SLC12A8: variants seen among roughly 807,000 people sequenced by gnomAD.
The protein encoded by SLC12A8 is solute carrier family 12 member 8.
A neutral mutation model predicts 75.6 loss-of-function variants in SLC12A8; 69 were observed. That is an observed-to-expected ratio of 0.91 (90% CI 0.75 to 1.11). The LOEUF is 1.11. Ranked by LOEUF, SLC12A8 falls within the 50% of genes most tolerant of loss-of-function variation. The pLI is 0.00. For missense variants in SLC12A8, 877 were observed against 896.7 expected, an observed-to-expected ratio of 0.98 and a Z score of 0.28; for synonymous variants, 365 against 372.8, an observed-to-expected ratio of 0.98 and a Z score of 0.24.
At chr3:125,149,059 C>T (rs893422081) in intron 5 of SLC12A8, among the ~76,000 whole-genome samples, 13 of 152,224 alleles carry the variant, frequency 8.5e-5, no homozygotes, top group Non-Finnish European at 1.6e-4. Context: ...CTGAGGCGGG[C>T]GAGGCTCAGA....
intron 6 of SLC12A8, chr3:125,123,527 C>T (rs1433007523): frequency 1.3e-5 from 2 of 152,170 alleles, no homozygotes; most frequent in Non-Finnish European, 2.9e-5. Flanking sequence ...TTAATTGACT[C>T]ACAGTTCCAC....
chr3:125,118,946 G>A (rs2107749660), intron 7 of SLC12A8, 90 bp from the exon 8 acceptor site: 1 of 868,624 alleles, frequency 1.2e-6, no homozygotes, highest in East Asian at 2.6e-5. Flanking sequence ...GTTTCCAAAG[G>A]GAACTTGTAT....
intron 8 of SLC12A8, among the ~76,000 whole-genome samples, chr3:125,117,907 T>C (rs1335663123): frequency 6.6e-6 from 1 of 152,198 alleles, no homozygotes; most frequent in Non-Finnish European, 1.5e-5. Context: ...GAAACAAAGA[T>C]GTTGCAGCCA....
chr3:125,085,049 T>G (rs1393471285), intron 13 of SLC12A8, among the ~76,000 whole-genome samples: 1 of 152,242 alleles, frequency 6.6e-6, no homozygotes, highest in African/African-American at 2.4e-5. Flanking sequence ...CCAAATGTCC[T>G]GCTATAGAAG....
intron 13 of SLC12A8, among the ~76,000 whole-genome samples, chr3:125,085,941 A>G (rs1332868164): frequency 2.7e-5 from 4 of 146,382 alleles, no homozygotes; most frequent in African/African-American, 5.1e-5. Context: ...GTCTCACTCT[A>G]TTGCTCAGAC....
At chr3:125,119,870 T>A (rs1034921749) in intron 7 of SLC12A8, 36 of 456,594 alleles carry the variant, frequency 7.9e-5, no homozygotes, top group Admixed American at 6.1e-4. Flanking sequence ...ACCTACCCAA[T>A]GAAGGGCAGA....
At chr3:125,192,063 T>C (rs1323377346) in intron 2 of SLC12A8, among the ~76,000 whole-genome samples, 1 of 152,078 alleles carries the variant, frequency 6.6e-6, no homozygotes, top group Non-Finnish European at 1.5e-5. Context: ...TTTCCCAGGA[T>C]CCTCATCTCG....
chr3:125,126,095 T>G (rs1933199425), intron 6 of SLC12A8: 1 of 178,412 alleles, frequency 5.6e-6, no homozygotes. Flanking sequence ...TGTTACCATG[T>G]GACTTAGGTA....
intron 2 of SLC12A8, among the ~76,000 whole-genome samples, chr3:125,207,383 T>C (rs9816151): frequency 0.51 from 77,606 of 151,996 alleles, 20,683 homozygotes; most frequent in South Asian, 0.64. Context: ...CCCTTTTAAG[T>C]TCCTGTTGAG....
chr3:125,175,664 T>C (rs1265319702), intron 5 of SLC12A8, among the ~76,000 whole-genome samples: 1 of 151,916 alleles, frequency 6.6e-6, no homozygotes, highest in South Asian at 2.1e-4. Context: ...CTGAGTGGAC[T>C]CTGTCTTTCC....
intron 5 of SLC12A8, among the ~76,000 whole-genome samples, chr3:125,144,809 C>CCAGG (rs1356937108): frequency 6.6e-6 from 1 of 152,180 alleles, no homozygotes; most frequent in African/African-American, 2.4e-5. Context: ...GATATCCTCG[C>CCAGG]CAGGCAGGCA....
intron 2 of SLC12A8, among the ~76,000 whole-genome samples, chr3:125,191,692 G>A (rs763955130): frequency 5.3e-5 from 8 of 152,214 alleles, no homozygotes; most frequent in Non-Finnish European, 1.0e-4. Context: ...AGAACCAAAG[G>A]CTAAGGCCAA....
intron 10 of SLC12A8, among the ~76,000 whole-genome samples, chr3:125,097,658 T>A (rs1206563193): frequency 1.3e-5 from 2 of 151,920 alleles, no homozygotes; most frequent in African/African-American, 4.8e-5. Context: ...ATCAGCAATG[T>A]AAGGGAAAAT....
rs1319765617 is a variant in SLC12A8 at position 125,128,183 on chromosome 3, A to AT, written c.736+7485dup. On this transcript the variant is annotated intron_variant, in intron 6 of 13. Transcript: ENST00000469902. Reference sequence around the variant, plus strand: ...CCGTGCCCGGCCTAAGCTTATTTTTATTTTTTTTTTTTTTTGAGACGGAGT... The same window carrying AT: ...CCGTGCCCGGCCTAAGCTTATTTTTATTTTTTTTTTTTTTTTGAGACGGAGT... Among the ~76,000 whole-genome samples the AT allele has an allele frequency of 3.2e-4, 41 of 127,666 alleles. 1 individual carries two copies. The highest frequency in any genetic ancestry group is 1.6e-3 in the Admixed American group (20 of 12,566). The allele number at this position is 127,666 out of a possible 152,430, so 83.8% of individuals were successfully genotyped here.
At position 125,107,580 on chromosome 3, in the gene SLC12A8, T is replaced by C. The variant is rs778092307; in HGVS notation, c.1606A>G (p.Asn536Asp). Residue 536 changes from asparagine to aspartate, a missense_variant, in exon 10 of 14, where the codon AAC becomes GAC. By Grantham distance (23) the Asn-to-Asp change is conservative. Transcript: ENST00000469902. ...ASWEGQESCW[N>D]KQTSKSEGTQ... is the part of the protein sequence containing the mutation. ...CCTTCGCTCTTGGAAGTCTGCTTGT[T>C]CCAGCAGGACTCCTGCCCCTCCCAG... 6.2e-7 allele frequency: 1 copy of C among 1,614,068 alleles called. No homozygotes were observed. The highest frequency in any genetic ancestry group is 1.3e-5 in the African/African-American group (1 of 74,934).
chr3:125,125,090 A>G (rs768157466), intron 6 of SLC12A8, among the ~76,000 whole-genome samples: 12 of 150,442 alleles, frequency 8.0e-5, no homozygotes, highest in Non-Finnish European at 1.3e-4. Flanking sequence ...TACAGCACAC[A>G]GTTTCGCAAA....
intron 2 of SLC12A8, among the ~76,000 whole-genome samples, chr3:125,202,970 C>T (rs1212943079): frequency 6.6e-6 from 1 of 151,606 alleles, no homozygotes; most frequent in Non-Finnish European, 1.5e-5. Context: ...CACCTATAAT[C>T]CCAGCTACTT....
At chr3:125,189,383 T>TC (rs997888005) in intron 3 of SLC12A8, among the ~76,000 whole-genome samples, 1 of 152,208 alleles carries the variant, frequency 6.6e-6, no homozygotes, top group African/African-American at 2.4e-5. Context: ...TTGAATGGCC[T>TC]CCTCTCTTTC....
At chr3:125,085,352 CAAGA>C (rs1938430270) in intron 13 of SLC12A8, among the ~76,000 whole-genome samples, 1 of 152,158 alleles carries the variant, frequency 6.6e-6, no homozygotes, top group Non-Finnish European at 1.5e-5. Context: ...GCTAGTGCTT[CAAGA>C]AAGAAAGCCT....
Sources: gnomAD v4.1 joint callset for allele counts (sites outside exome capture counted in the v4.1 genomes callset) on GRCh38, gnomAD v4.1.1 for gene constraint, MANE v1.5 for transcripts, NCBI Gene and HGNC (gene_info 2026-07-23, HGNC 2026-07-21) for gene names.